GRM6: variants seen among roughly 807,000 people sequenced by gnomAD.
GRM6 encodes the protein metabotropic glutamate receptor 6.
GRM6 carries 73 observed loss-of-function variants against 78.4 expected under a neutral mutation model. The ratio of observed to expected loss-of-function variants is 0.93; its 90% CI spans 0.77 to 1.13. The LOEUF is 1.13. Among genes scored for constraint, GRM6 ranks in the 50% most tolerant of loss-of-function variants. The probability of loss-of-function intolerance (pLI) is 0.00; values close to 1 mark genes in which losing one functional copy is unlikely to be tolerated. For missense variants in GRM6, 1,251 were observed against 1,256.4 expected, an observed-to-expected ratio of 1.00 and a Z score of 0.07; for synonymous variants, 580 against 555.0, an observed-to-expected ratio of 1.05 and a Z score of -0.63.
chr5:178,983,463 G>C (rs1450646982), intron 9 of GRM6: 19 of 687,678 alleles, frequency 2.8e-5, no homozygotes, highest in Admixed American at 1.0e-4. Flanking sequence ...GAGAAGGGCT[G>C]TGCCGCCCGT....
At chr5:178,990,403 C>T (rs1251176816) in intron 5 of GRM6, among the ~76,000 whole-genome samples, 189 bp downstream of exon 5, 2 of 152,266 alleles carry the variant, frequency 1.3e-5, no homozygotes, top group Non-Finnish European at 2.9e-5. Context: ...GCGTGCTTTC[C>T]TCGCACGCCA....
chr5:178,981,901 C>T lies in GRM6; in HGVS notation c.2437-47G>A. On this transcript the variant is annotated intron_variant, in intron 10 of 10. Coordinates refer to ENST00000517717, the MANE Select transcript of GRM6 (RefSeq NM_000843.4). This position sits in a 1 kb window ranked among gnomAD's most constrained non-coding sequence, Gnocchi z 5.1. ...CAGATGGGACTCAGCCCTGCTCTCC[C>T]TGCCCCGCTCCACACAGTCCTCACC... is the stretch of plus-strand genomic sequence containing the variant. 1 of 1,148,122 alleles carries T rather than the reference C, an allele frequency of 8.7e-7. No homozygotes were observed. Among genetic ancestry groups the T allele is most frequent in the South Asian group, 1.2e-5 (1 of 81,380 alleles). 71.1% of individuals were successfully genotyped at this position (1,148,122 alleles called of 1,614,324 possible).
At position 178,983,083 on chromosome 5, in the gene GRM6, G is replaced by C. The variant is rs1760433265; in HGVS notation, c.2263C>G (p.Leu755Val). Residue 755 changes from leucine to valine, a missense_variant, in exon 10 of 11, where the codon CTG becomes GTG. Leu to Val is a conservative substitution (Grantham distance 32, BLOSUM62 1). Transcript: ENST00000517717. ...ACCATGAGCAGGAGGCTGTAGCCCA[G>C]GCAGCCGATGAGAGACAGATCCGAC... is the stretch of plus-strand genomic sequence containing the variant. The part of the protein sequence containing the change: ...DMSDLSLIGC[L>V]GYSLLLMVTC... 6.2e-7 allele frequency: 1 copy of C among 1,614,106 alleles called. No homozygotes were observed. Among genetic ancestry groups the C allele is most frequent in the South Asian group, 1.1e-5 (1 of 91,092 alleles).
Position 178,994,953 on chromosome 5 carries a change from C to A in GRM6, c.-9G>T. On this transcript the variant is annotated 5_prime_UTR_variant, in exon 2 of 11. Transcript: ENST00000517717. ...CTCCGGGGCCGCGCCATCGGCTCGT[C>A]TAGCGGGCTGCGGGGAGACAGAGGG... The A allele has an allele frequency of 8.6e-7, 1 of 1,168,068 alleles. No homozygotes were observed. Among genetic ancestry groups the A allele is most frequent in the South Asian group, 4.0e-5 (1 of 24,966 alleles). 72.4% of individuals were successfully genotyped at this position (1,168,068 alleles called of 1,614,324 possible). A position where few individuals can be genotyped will look rare whatever the true frequency, so the allele number is the denominator to read the frequency against.
chr5:178,984,199 T>G (rs1206326484), intron 9 of GRM6, among the ~76,000 whole-genome samples: 2 of 150,294 alleles, frequency 1.3e-5, no homozygotes, highest in East Asian at 1.9e-4. Context: ...AAGTTGCTCA[T>G]GAGAAACAAA....
At chr5:178,990,426 G>A (rs1432650962) in intron 5 of GRM6, among the ~76,000 whole-genome samples, 166 bp downstream of exon 5, 3 of 152,394 alleles carry the variant, frequency 2.0e-5, no homozygotes, top group African/African-American at 4.8e-5. Flanking sequence ...CCAGTCAAGC[G>A]CTGCTTGGAG....
chr5:178,981,748 T>G lies in GRM6; in HGVS notation c.2543A>C (p.Glu848Ala). ...CCGCTTTCGCTTCTGCACATTCTGC[T>G]CTGGATGGAAGAGGATGACGTAGGT... ...PKTYVILFHP[E>A]QNVQKRKRSL... The change falls in exon 11 of 11, where the codon GAG becomes GCG. Residue 848 changes from glutamate to alanine, a missense_variant. Physicochemically the swap from Glu to Ala is moderately radical, Grantham distance 107 (BLOSUM62 -1). Transcript: ENST00000517717. The surrounding 1 kb of genome is among the most constrained non-coding windows in gnomAD (Gnocchi z 5.1). The G allele has an allele frequency of 6.2e-7, 1 of 1,613,808 alleles. No individual in the cohort carries two copies. The highest frequency in any genetic ancestry group is 8.5e-7 in the Non-Finnish European group (1 of 1,179,722).
rs17078894 is a variant in GRM6, at chr5:178,991,554, C to A, written c.727G>T (p.Val243Phe). The A allele has an allele frequency of 3.7e-3, 5,974 of 1,612,786 alleles. 47 individuals are homozygous for A. The highest frequency in any genetic ancestry group is 0.014 in the Middle Eastern group (85 of 6,058). ...ATCTTGATAGACTGGGCAATACAGA[C>A]CCCCCCTGGGCGTTGGGGGTGCCAG... Reference protein sequence around the residue: ...FVQISREAGGVCIAQSIKIPR... With the variant: ...FVQISREAGGFCIAQSIKIPR... Residue 243 changes from valine to phenylalanine, a missense_variant, in exon 4 of 11, where the codon GTC becomes TTC. Transcript: ENST00000517717. This position sits in a 1 kb window ranked among gnomAD's most constrained non-coding sequence, Gnocchi z 5.0.
Position 178,991,933 on chromosome 5 carries a change from G to C in GRM6, c.655C>G (p.Leu219Val), listed in dbSNP as rs1447730763. 6.2e-7 allele frequency: 1 copy of C among 1,614,020 alleles called. No individual in the cohort carries two copies. Among genetic ancestry groups the C allele is most frequent in the Non-Finnish European group, 8.5e-7 (1 of 1,180,028 alleles). ...RALGWNYVST[L>V]ASEGNYGESG... ...TCGCCATAGTTGCCCTCGGAGGCCA[G>C]CGTGGACACATAGTTCCATCCCAGT... The change falls in exon 3 of 11, where the codon CTG becomes GTG. Residue 219 changes from leucine to valine, a missense_variant. Physicochemically the swap from Leu to Val is conservative, Grantham distance 32. Coordinates refer to ENST00000517717, the MANE Select transcript of GRM6 (RefSeq NM_000843.4). This position sits in a 1 kb window ranked among gnomAD's most constrained non-coding sequence, Gnocchi z 5.0.
Position 178,994,719 on chromosome 5 carries a change from G to A in GRM6, c.226C>T (p.Leu76=). 1 of 1,467,130 alleles carries A rather than the reference G, an allele frequency of 6.8e-7. No homozygotes were observed. The highest frequency in any genetic ancestry group is 1.3e-5 in the South Asian group (1 of 78,874). 90.9% of individuals were successfully genotyped at this position (1,467,130 alleles called of 1,614,324 possible). Residue 76 remains leucine (L), a synonymous_variant, in exon 2 of 11, where the codon CTG becomes TTG. Coordinates refer to ENST00000517717, the MANE Select transcript of GRM6 (RefSeq NM_000843.4). ...TCGGGGTCGGCGTTGACGCGGTCCA[G>A]CGCGTACAGCATGGCCTCCAGCCGG... ...VHRLEAMLYA[L]DRVNADPELL...
At chr5:178,990,798 C>T (rs772892758) in intron 4 of GRM6, 52 bp from the exon 5 acceptor site, 11 of 1,434,762 alleles carry the variant, frequency 7.7e-6, no homozygotes, top group South Asian at 2.5e-5. Flanking sequence ...TCCTCCAGCT[C>T]GGCCCCCATC....
chr5:178,991,745 A>G lies in GRM6; in HGVS notation c.721+122T>C. On this transcript the variant is annotated intron_variant, in intron 3 of 10. Transcript: ENST00000517717. The surrounding 1 kb of genome is among the most constrained non-coding windows in gnomAD (Gnocchi z 5.0). ...CAAAGAGGTCCCGCCCACATGGAGC[A>G]CCAGCCAGGCAACCTCGGCCCAGCA... 8.9e-7 allele frequency: 1 copy of G among 1,123,838 alleles called. No homozygotes were observed. Among genetic ancestry groups the G allele is most frequent in the Non-Finnish European group, 1.3e-6 (1 of 751,878 alleles). 69.6% of individuals were successfully genotyped at this position (1,123,838 alleles called of 1,614,324 possible).
In GRM6 at chr5:178,985,717, A is replaced by AAAC. The variant is rs1554113574; in HGVS notation, c.2124+410_2124+412dup. ...GACTCTGTCTAAAAAAAAAAAAACA[A>AAAC]AACAACACAGGAACCAAAATAGAAA... On this transcript the variant is annotated intron_variant, in intron 9 of 10. Transcript: ENST00000517717. 4.0e-4 allele frequency: 168 copies of AAAC among 419,586 alleles called. 2 individuals carry two copies. The highest frequency in any genetic ancestry group is 1.9e-3 in the Middle Eastern group (5 of 2,702). The allele number at this position is 419,586 out of a possible 1,614,324, so 26.0% of individuals were successfully genotyped here.
chr5:178,987,106 G>A (rs541818341), intron 7 of GRM6, 123 bp from the exon 8 acceptor site: 40 of 1,009,790 alleles, frequency 4.0e-5, no homozygotes, highest in Admixed American at 1.0e-4. Context: ...CATAAGGGAC[G>A]TGCAAATCCA....
At chr5:178,983,399 G>A in intron 9 of GRM6, 178 bp from the exon 10 acceptor site, 1 of 715,346 alleles carries the variant, frequency 1.4e-6, no homozygotes, top group Non-Finnish European at 2.5e-6. Flanking sequence ...TGGCAGCCCA[G>A]GCAGGGGCAG....
intron 9 of GRM6, among the ~76,000 whole-genome samples, chr5:178,985,016 T>A (rs60948868): frequency 0.1 from 15,393 of 152,068 alleles, 952 homozygotes; most frequent in Middle Eastern, 0.21. Flanking sequence ...ATAACTTTAC[T>A]GTCTTAGGAA....
intron 5 of GRM6, chr5:178,989,779 T>C (rs1760639898): frequency 8.5e-6 from 3 of 351,326 alleles, no homozygotes. Context: ...GGGTGGAGCC[T>C]CAGCAGCCAT....
chr5:178,988,892 C>T lies in GRM6; in HGVS notation c.1354+43G>A, dbSNP rs1760615179. On this transcript the variant is annotated intron_variant, in intron 7 of 10. Coordinates refer to ENST00000517717, the MANE Select transcript of GRM6 (RefSeq NM_000843.4). This position sits in a 1 kb window ranked among gnomAD's most constrained non-coding sequence, Gnocchi z 6.0. Reference sequence around the variant, plus strand: ...AGGCCTCACAGCAAAATCCAGCCCCCCAGCTGTCCTTCACTGCTGCAGGGG... The same window carrying T: ...AGGCCTCACAGCAAAATCCAGCCCCTCAGCTGTCCTTCACTGCTGCAGGGG... 4 of 1,534,156 alleles carry T rather than the reference C, an allele frequency of 2.6e-6. No homozygotes were observed. The highest frequency in any genetic ancestry group is 1.7e-5 in the Admixed American group (1 of 58,722).
In GRM6 at chr5:178,991,203, CAT is replaced by C. The variant is rs1760664181; in HGVS notation, c.857+219_857+220del. Among the ~76,000 whole-genome samples, 2 of 152,166 alleles carry C rather than the reference CAT, an allele frequency of 1.3e-5. No individual in the cohort carries two copies. The highest frequency in any genetic ancestry group is 4.1e-4 in the South Asian group (2 of 4,832). ...CCCCCAGGAGCTGTAAACACAGACACATGTTCTGTGCGCTATTCAGTCTGGGC... is the reference window on the plus strand; with the variant it reads ...CCCCCAGGAGCTGTAAACACAGACACGTTCTGTGCGCTATTCAGTCTGGGC... On this transcript the variant is annotated intron_variant, in intron 4 of 10. Transcript: ENST00000517717. The surrounding 1 kb of genome is among the most constrained non-coding windows in gnomAD (Gnocchi z 5.0).
Sources: allele counts gnomAD v4.1 joint callset (sites outside exome capture counted in the v4.1 genomes callset), GRCh38; gene constraint gnomAD v4.1.1; non-coding constraint Gnocchi (gnomAD v3.1); transcripts MANE v1.5; gene names NCBI Gene and HGNC (gene_info 2026-07-23, HGNC 2026-07-21).